The following TXNDC12 variants were observed in gnomAD, a reference collection of about 807,000 sequenced individuals.
TXNDC12 encodes thioredoxin domain containing 12.
TXNDC12 carries 22 observed loss-of-function variants against 24.2 expected under a neutral mutation model. That is an observed-to-expected ratio of 0.91 (90% CI 0.65 to 1.30). The LOEUF is 1.30. TXNDC12 is among the 50% of genes most tolerant of loss of function. The pLI is 0.00. For synonymous variants in TXNDC12, 58 were observed against 73.4 expected, an observed-to-expected ratio of 0.79 and a Z score of 1.07; for missense variants, 184 against 205.8, an observed-to-expected ratio of 0.89 and a Z score of 0.65.
At chr1:52,040,427 T>C (rs1685963611) in intron 2 of TXNDC12, among the ~76,000 whole-genome samples, 1 of 152,138 alleles carries the variant, frequency 6.6e-6, no homozygotes, top group Admixed American at 6.6e-5. Flanking sequence ...GCTCAAGTGA[T>C]CTGCCCGCCT....
chr1:52,039,655 C>T (rs1051103554), intron 2 of TXNDC12, among the ~76,000 whole-genome samples: 3 of 152,120 alleles, frequency 2.0e-5, no homozygotes, highest in African/African-American at 4.8e-5. Context: ...TACTGCGATA[C>T]GCAATACACT....
rs1201389518 is a variant in TXNDC12, at chr1:52,041,059, G to A, written c.158+478C>T. Among the ~76,000 whole-genome samples the A allele has an allele frequency of 4.6e-5, 7 of 151,424 alleles. No homozygotes were observed. The South Asian group carries it at 6.3e-4, about 14-fold the overall frequency. ...CAAAAAAGAAAAAAAAAGGCCGGGCGCGGTGGCTCACGCCTGTAATCCCAG... is the reference window on the plus strand; with the variant it reads ...CAAAAAAGAAAAAAAAAGGCCGGGCACGGTGGCTCACGCCTGTAATCCCAG... On this transcript the variant is annotated intron_variant, in intron 2 of 6. Transcript: ENST00000371626.
At chr1:52,032,517 A>T (rs1685780968) in intron 2 of TXNDC12, 1 of 1,378,410 alleles carries the variant, frequency 7.3e-7, no homozygotes, top group Admixed American at 3.4e-5. Flanking sequence ...TTTAGTCTGA[A>T]CTTATGCTGT....
rs550090576 is a variant in TXNDC12 at position 52,027,353 on chromosome 1, G to A, written c.212-5C>T. ...CTGCAAATTTGGGCTTTAGAGCTGG[G>A]GGGAAAAAGATTTTGGAATAGAAGA... On this transcript the variant is annotated splice_region_variant and splice_polypyrimidine_tract_variant and intron_variant, in intron 3 of 6. Transcript: ENST00000371626. The A allele has an allele frequency of 4.4e-6, 7 of 1,607,768 alleles. No homozygotes were observed. In the African/African-American group the frequency reaches 5.3e-5, roughly 12 times the overall value.
At chr1:52,041,450 G>C (rs1384777543) in intron 2 of TXNDC12, 87 bp downstream of exon 2, 2 of 826,104 alleles carry the variant, frequency 2.4e-6, no homozygotes, top group East Asian at 5.1e-5. Flanking sequence ...GCTCTGCCTT[G>C]GTATAGCCCT....
intron 2 of TXNDC12, among the ~76,000 whole-genome samples, chr1:52,037,687 G>A (rs539375259): frequency 6.6e-6 from 1 of 152,268 alleles, no homozygotes; most frequent in African/African-American, 2.4e-5. Context: ...TGTTGTCTAA[G>A]CCTTCTTATT....
chr1:52,046,869 ATATATAT>A lies in TXNDC12; in HGVS notation c.98-5279_98-5273del, dbSNP rs1557998380. ...CATCTCTACTAAAAAAAAAAAAAATATATATATATATATATATATATATATTAGCCGG... is the reference window on the plus strand; with the variant it reads ...CATCTCTACTAAAAAAAAAAAAAATAATATATATATATATATATTAGCCGG... On this transcript the variant is annotated intron_variant, in intron 1 of 6. Transcript: ENST00000371626. Among the ~76,000 whole-genome samples the A allele has an allele frequency of 6.5e-3, 116 of 17,798 alleles. 3 individuals are homozygous for A. In the South Asian group the frequency reaches 0.24, roughly 37 times the overall value. The allele number at this position is 17,798 out of a possible 152,430, so 11.7% of individuals were successfully genotyped here.
intron 2 of TXNDC12, among the ~76,000 whole-genome samples, chr1:52,039,088 CAAAA>C (rs56219938): frequency 2.4e-5 from 2 of 81,704 alleles, no homozygotes; most frequent in Non-Finnish European, 4.3e-5. Flanking sequence ...GACACCGTCT[CAAAA>C]AAAAAAAAAA....
At chr1:52,047,218 G>A (rs901486373) in intron 1 of TXNDC12, among the ~76,000 whole-genome samples, 5 of 152,126 alleles carry the variant, frequency 3.3e-5, no homozygotes, top group Non-Finnish European at 7.4e-5. Context: ...GCCTTTGCTA[G>A]GAATAATGAT....
chr1:52,054,437 AAACTTCGCTGAACCACAGCAAGGAC>A (rs1339388411), intron 1 of TXNDC12, among the ~76,000 whole-genome samples: 156 of 152,352 alleles, frequency 1.0e-3, no homozygotes, highest in African/African-American at 3.6e-3. Flanking sequence ...ACTTACAAAA[AAACTTCGCTGAACCACAGCAAGGAC>A]AATTGTTGGG....
At chr1:52,032,986 G>C (rs757324544) in intron 2 of TXNDC12, 1 of 1,567,200 alleles carries the variant, frequency 6.4e-7, no homozygotes, top group South Asian at 1.2e-5. Flanking sequence ...GGACTGCGTA[G>C]ACTGATGGGG....
In TXNDC12 at chr1:52,020,626, C is replaced by T. The variant is rs747594255; in HGVS notation, c.*307G>A. 2 of 354,234 alleles carry T rather than the reference C, an allele frequency of 5.6e-6. No individual in the cohort carries two copies. Among genetic ancestry groups the T allele is most frequent in the African/African-American group, 2.1e-5 (1 of 48,032 alleles). 21.9% of individuals were successfully genotyped at this position (354,234 alleles called of 1,614,324 possible). A position where few individuals can be genotyped will look rare whatever the true frequency, so the allele number is the denominator to read the frequency against. ...GGGAAAAGACTCAAATACTTAAGTG[C>T]GAGGAGTAAACATCCAAGTGGCTCA... On this transcript the variant is annotated 3_prime_UTR_variant, in exon 7 of 7. Coordinates refer to ENST00000371626, the MANE Select transcript of TXNDC12 (RefSeq NM_015913.4).
chr1:52,033,560 G>A (rs1000969069), intron 2 of TXNDC12: 4 of 1,613,886 alleles, frequency 2.5e-6, no homozygotes, highest in East Asian at 4.5e-5. Flanking sequence ...CTCAGGCGCC[G>A]TTCCACGGAG....
chr1:52,031,841 C>T (rs1442953997), intron 2 of TXNDC12, among the ~76,000 whole-genome samples: 2 of 152,154 alleles, frequency 1.3e-5, no homozygotes, highest in South Asian at 2.1e-4. Flanking sequence ...ATCACAGCCA[C>T]TGTTAAAGTA....
intron 2 of TXNDC12, among the ~76,000 whole-genome samples, chr1:52,038,761 A>T (rs1246409460): frequency 2.0e-5 from 3 of 152,186 alleles, no homozygotes; most frequent in Non-Finnish European, 4.4e-5. Context: ...TAGAGTCAAT[A>T]GGTATGCCTT....
At chr1:52,053,638 C>T (rs921394720) in intron 1 of TXNDC12, among the ~76,000 whole-genome samples, 1 of 151,876 alleles carries the variant, frequency 6.6e-6, no homozygotes, top group East Asian at 1.9e-4. Context: ...GACTCCAGCC[C>T]GAGCAACAGT....
In TXNDC12 at chr1:52,048,473, TAA is replaced by T. The variant is rs57230386; in HGVS notation, c.97+6525_97+6526del. Among the ~76,000 whole-genome samples, 135 of 118,656 alleles carry T rather than the reference TAA, an allele frequency of 1.1e-3. 1 individual carries two copies. The highest frequency in any genetic ancestry group is 1.5e-3 in the African/African-American group (47 of 32,224). 77.8% of individuals were successfully genotyped at this position (118,656 alleles called of 152,430 possible). Reference sequence around the variant, plus strand: ...AGAGGGTGACCCTGTTTCTTTTCTTTAAAAAAAAAAAAAAAAAAGCATGCCTA... The same window carrying T: ...AGAGGGTGACCCTGTTTCTTTTCTTTAAAAAAAAAAAAAAAAGCATGCCTA... On this transcript the variant is annotated intron_variant, in intron 1 of 6. Transcript: ENST00000371626.
Position 52,054,987 on chromosome 1 carries a change from AACGCGGTCTGAC to A in TXNDC12, c.97+1_97+12del. 1 of 1,596,172 alleles carries A rather than the reference AACGCGGTCTGAC, an allele frequency of 6.3e-7. No homozygotes were observed. Among genetic ancestry groups the A allele is most frequent in the South Asian group, 1.1e-5 (1 of 90,746 alleles). ...TAAAGATCAGTAAAGAGAAGATAAG[AACGCGGTCTGAC>A]CCTTTCCAAGCCCATTATGTCCATC... On this transcript the variant is annotated splice_donor_variant and splice_donor_5th_base_variant and intron_variant, in intron 1 of 6. Coordinates refer to ENST00000371626, the MANE Select transcript of TXNDC12 (RefSeq NM_015913.4). LOFTEE classifies it high-confidence loss of function.
At chr1:52,056,044 A>G (rs1226653235), upstream of TXNDC12, 2 of 152,166 alleles carry the variant, frequency 1.3e-5, no homozygotes, top group East Asian at 1.9e-4. Flanking sequence ...TACACACCCA[A>G]ATAAAAACAT....
Sources: allele counts gnomAD v4.1 joint callset (sites outside exome capture counted in the v4.1 genomes callset), GRCh38; gene constraint gnomAD v4.1.1; transcripts MANE v1.5; gene names NCBI Gene and HGNC (gene_info 2026-07-23, HGNC 2026-07-21).